OLA1: variants seen among roughly 807,000 people sequenced by gnomAD.
OLA1 encodes the protein Obg like ATPase 1.
A neutral mutation model predicts 48.4 loss-of-function variants in OLA1; 14 were observed. The observed-to-expected ratio is 0.29, with a 90% CI of 0.19 to 0.45. The LOEUF (loss-of-function observed/expected upper bound fraction) is 0.45. Among genes scored for constraint, OLA1 ranks in the 20% least tolerant of loss-of-function variants. OLA1 has a pLI of 1.00. For synonymous variants in OLA1, 127 were observed against 150.4 expected (o/e 0.84, Z 1.14); for missense variants, 325 against 467.1 (o/e 0.70, Z 2.80).
Position 174,141,842 on chromosome 2 carries a change from T to C in OLA1, c.532A>G (p.Lys178Glu), listed in dbSNP as rs1442884017. The C allele has an allele frequency of 1.2e-6, 2 of 1,601,710 alleles. No homozygotes were observed. The highest frequency in any genetic ancestry group is 2.3e-5 in the South Asian group (2 of 87,874). The change falls in exon 5 of 11, where the codon AAA (lysine) becomes GAA (glutamate). Residue 178 changes from lysine to glutamate, a missense_variant. By Grantham distance (56) the Lys-to-Glu change is moderately conservative. Coordinates refer to ENST00000284719, the MANE Select transcript of OLA1 (RefSeq NM_013341.5). ...TTACTTACATATTCAGGTTTTAGTT[T>C]TTTATCTCCTCCTCTCACAGCCACC... ...EKVAVRGGDK[K>E]LKPEYDIMCK...
At chr2:174,149,644 G>A (rs1427457426) in intron 4 of OLA1, among the ~76,000 whole-genome samples, 4 of 152,116 alleles carry the variant, frequency 2.6e-5, no homozygotes, top group Non-Finnish European at 5.9e-5. Context: ...AGATATTTAC[G>A]TGGTGAGATA....
At chr2:174,095,400 C>A (rs140143212) in intron 7 of OLA1, among the ~76,000 whole-genome samples, 3 of 124,956 alleles carry the variant, frequency 2.4e-5, no homozygotes, top group Admixed American at 1.0e-4. Flanking sequence ...GGGATGATGT[C>A]TCATTGTGGT....
At chr2:174,126,461 C>T (rs1482454667) in intron 5 of OLA1, among the ~76,000 whole-genome samples, 1 of 151,994 alleles carries the variant, frequency 6.6e-6, no homozygotes, top group African/African-American at 2.4e-5. Flanking sequence ...TTAACAAATC[C>T]CTCATTTTCA....
chr2:174,169,956 T>C (rs1342052400), intron 4 of OLA1, among the ~76,000 whole-genome samples: 1 of 152,210 alleles, frequency 6.6e-6, no homozygotes, highest in Non-Finnish European at 1.5e-5. Context: ...CATACAACTA[T>C]GGCATAAAAG....
At chr2:174,131,294 A>G (rs1686174568) in intron 5 of OLA1, among the ~76,000 whole-genome samples, 1 of 152,058 alleles carries the variant, frequency 6.6e-6, no homozygotes, top group Non-Finnish European at 1.5e-5. Flanking sequence ...ATGTAGCAGT[A>G]TTGTGTTTTT....
At chr2:174,082,224 C>A (rs951227500) in intron 7 of OLA1, among the ~76,000 whole-genome samples, 160 bp from the exon 8 acceptor site, 15 of 152,136 alleles carry the variant, frequency 9.9e-5, no homozygotes, top group African/African-American at 3.6e-4. Flanking sequence ...TAACAGGCAG[C>A]AACTGCTTCA....
chr2:174,241,535 C>G (rs1352124139), intron 2 of OLA1, among the ~76,000 whole-genome samples: 2 of 152,216 alleles, frequency 1.3e-5, no homozygotes, highest in Non-Finnish European at 2.9e-5. Flanking sequence ...GAAGGATCAG[C>G]TAAACAAGAC....
chr2:174,164,609 G>C (rs1185023540), intron 4 of OLA1, among the ~76,000 whole-genome samples: 2 of 152,050 alleles, frequency 1.3e-5, no homozygotes, highest in Non-Finnish European at 2.9e-5. Context: ...AAGTAAATAG[G>C]TTCTTAAAAT....
intron 4 of OLA1, chr2:174,217,857 TA>T (rs1408407015): frequency 6.6e-6 from 1 of 152,244 alleles, no homozygotes; most frequent in East Asian, 1.9e-4. Context: ...GAAAAATTTT[TA>T]ATGCTGCATC....
At chr2:174,076,793 T>A (rs1420854524) in intron 10 of OLA1, among the ~76,000 whole-genome samples, 1 of 135,584 alleles carries the variant, frequency 7.4e-6, no homozygotes, top group African/African-American at 2.6e-5. Flanking sequence ...ATATATTTCA[T>A]ATATATGACA....
chr2:174,078,747 C>A (rs750062340), intron 10 of OLA1, among the ~76,000 whole-genome samples: 56 of 151,850 alleles, frequency 3.7e-4, no homozygotes, highest in Non-Finnish European at 5.3e-4. Context: ...AAAAAAACCT[C>A]CACAAAACTA....
chr2:174,162,818 C>T (rs993602054), intron 4 of OLA1, among the ~76,000 whole-genome samples: 8 of 152,208 alleles, frequency 5.3e-5, no homozygotes, highest in East Asian at 3.9e-4. Context: ...CCGAGGCGGG[C>T]GGATCGCTTG....
intron 7 of OLA1, among the ~76,000 whole-genome samples, chr2:174,115,027 A>T (rs960389050): frequency 4.6e-5 from 7 of 152,156 alleles, no homozygotes; most frequent in African/African-American, 1.7e-4. Flanking sequence ...TCCAGACTGC[A>T]ATGAGCTGTG....
intron 4 of OLA1, among the ~76,000 whole-genome samples, chr2:174,214,680 TTA>T (rs1223215331): frequency 6.6e-6 from 1 of 152,156 alleles, no homozygotes; most frequent in Non-Finnish European, 1.5e-5. Flanking sequence ...TCCAGACATT[TTA>T]TATGTTTCAG....
chr2:174,237,325 C>T (rs773613323), intron 2 of OLA1, among the ~76,000 whole-genome samples: 2 of 152,078 alleles, frequency 1.3e-5, no homozygotes, highest in Non-Finnish European at 2.9e-5. Flanking sequence ...CAATAACACA[C>T]ATGGAGCTGT....
chr2:174,130,834 C>T (rs1439646394), intron 5 of OLA1, among the ~76,000 whole-genome samples: 1 of 151,996 alleles, frequency 6.6e-6, no homozygotes, highest in African/African-American at 2.4e-5. Context: ...AGAGCATCTA[C>T]ACAATAGGAG....
At chr2:174,149,274 AGT>A (rs1686689042) in intron 4 of OLA1, among the ~76,000 whole-genome samples, 2 of 152,330 alleles carry the variant, frequency 1.3e-5, no homozygotes, top group South Asian at 4.1e-4. Context: ...CTGAAATAGT[AGT>A]CTCTTTCATT....
intron 2 of OLA1, among the ~76,000 whole-genome samples, chr2:174,239,528 C>CA (rs759645728): frequency 1.3e-4 from 20 of 151,744 alleles, no homozygotes; most frequent in Middle Eastern, 3.2e-3. Flanking sequence ...TCAAGGATAT[C>CA]AAACACAAAA....
At chr2:174,226,602 C>T (rs192017467) in intron 3 of OLA1, among the ~76,000 whole-genome samples, 23 of 152,096 alleles carry the variant, frequency 1.5e-4, no homozygotes, top group Admixed American at 5.9e-4. Context: ...CAAGTTCAAG[C>T]GATTCTCCTG....
Sources: gnomAD v4.1 joint callset for allele counts (sites outside exome capture counted in the v4.1 genomes callset) on GRCh38, gnomAD v4.1.1 for gene constraint, MANE v1.5 for transcripts, NCBI Gene and HGNC (gene_info 2026-07-23, HGNC 2026-07-21) for gene names.